Variants in CREBZF observed in about 807,000 individuals in gnomAD.
CREBZF encodes the protein HCF-binding transcription factor Zhangfei.
A neutral mutation model predicts 21.1 loss-of-function variants in CREBZF; 8 were observed. The observed-to-expected ratio is 0.38, with a 90% CI of 0.22 to 0.68. The LOEUF is 0.68. Ranked by LOEUF, CREBZF falls within the 30% of genes least tolerant of loss-of-function variation. The pLI is 0.51. For missense variants in CREBZF, 518 were observed against 484.3 expected (o/e 1.07, Z -0.65); for synonymous variants, 270 against 223.3 (o/e 1.21, Z -1.86).
At chr11:85,682,603 T>A in intron 1 of CREBZF, 4 of 196,732 alleles carry the variant, frequency 2.0e-5, no homozygotes, top group African/African-American at 7.8e-5. Context: ...CCCCCTGCCC[T>A]ACTCCCCCCA....
At position 85,661,353 on chromosome 11, in the gene CREBZF, GA is replaced by G. The variant is rs1431099449; in HGVS notation, c.*2457del. ...AAAAAAAAAATGAAATGGAAACTGA[GA>G]AAAGACAGTTAATAAAACATAAGGA... On this transcript the variant is annotated 3_prime_UTR_variant, in exon 1 of 1. Transcript: ENST00000527447. 1 of 151,964 alleles carries G rather than the reference GA, an allele frequency of 6.6e-6. No homozygotes were observed. The highest frequency in any genetic ancestry group is 2.4e-5 in the African/African-American group (1 of 41,244). 9.4% of individuals were successfully genotyped at this position (151,964 alleles called of 1,614,324 possible).
Position 85,664,577 on chromosome 11 carries a change from T to C in CREBZF, c.299A>G (p.Asp100Gly). 1 of 1,613,696 alleles carries C rather than the reference T, an allele frequency of 6.2e-7. No homozygotes were observed. Among genetic ancestry groups the C allele is most frequent in the Non-Finnish European group, 8.5e-7 (1 of 1,179,940 alleles). The change falls in exon 1 of 1, where the codon GAC becomes GGC. Residue 100 changes from aspartate to glycine, a missense_variant. Coordinates refer to ENST00000527447, the MANE Select transcript of CREBZF (RefSeq NM_001039618.4). The surrounding 1 kb of genome is among the most constrained non-coding windows in gnomAD (Gnocchi z 5.5). ...CGCCAGTTCCAGCCCAGACAGAAAG[T>C]CCATATCCTCCGTCTCTTCCCCCGG... Reference protein sequence around the residue: ...SLPGEETEDMDFLSGLELADL... With the variant: ...SLPGEETEDMGFLSGLELADL...
upstream of CREBZF, among the ~76,000 whole-genome samples, chr11:85,669,827 A>T (rs908527376): frequency 1.3e-5 from 2 of 151,788 alleles, no homozygotes; most frequent in African/African-American, 4.8e-5. Context: ...TGTTTGTTTG[A>T]GACAGAGTCT....
chr11:85,682,706 G>A (rs367975908), intron 1 of CREBZF: 31 of 666,886 alleles, frequency 4.6e-5, no homozygotes, highest in African/African-American at 4.1e-4. Context: ...CCGGAATTCC[G>A]GGATTCATAC....
intron 1 of CREBZF, among the ~76,000 whole-genome samples, chr11:85,675,384 G>C (rs899016707): frequency 5.9e-5 from 9 of 152,152 alleles, no homozygotes; most frequent in South Asian, 2.1e-4. Context: ...ATATTGTTGT[G>C]TCTCAGGAAT....
intron 1 of CREBZF, among the ~76,000 whole-genome samples, chr11:85,673,844 C>T (rs1010352963): frequency 6.6e-6 from 1 of 152,156 alleles, no homozygotes; most frequent in Non-Finnish European, 1.5e-5. Flanking sequence ...AAACAATGTT[C>T]ACAGCATCTT....
rs1304196383 is a variant in CREBZF at position 85,663,557 on chromosome 11, C to A, written c.*254G>T. 18 of 1,429,084 alleles carry A rather than the reference C, an allele frequency of 1.3e-5. No homozygotes were observed. Among genetic ancestry groups the A allele is most frequent in the Admixed American group, 5.9e-5 (3 of 50,816 alleles). 88.5% of individuals were successfully genotyped at this position (1,429,084 alleles called of 1,614,324 possible). A position where few individuals can be genotyped will look rare whatever the true frequency, so the allele number is the denominator to read the frequency against. On this transcript the variant is annotated 3_prime_UTR_variant, in exon 1 of 1. Coordinates refer to ENST00000527447, the MANE Select transcript of CREBZF (RefSeq NM_001039618.4). ...GAGGCGGGAACGACTGTTCTGTAAC[C>A]CCTACAACGGAGCCTGGCAGGAAGG...
intron 1 of CREBZF, among the ~76,000 whole-genome samples, chr11:85,671,478 C>T (rs1167830879): frequency 6.6e-6 from 1 of 152,212 alleles, no homozygotes; most frequent in Non-Finnish European, 1.5e-5. Context: ...GTCCACAGTC[C>T]AAAGTCTCAT....
At chr11:85,682,850 GACGTACA>G in exon 1 of CREBZF, 1 of 702,400 alleles carries the variant, frequency 1.4e-6, no homozygotes, top group Non-Finnish European at 2.6e-6. Flanking sequence ...GCCGAGCTTG[GACGTACA>G]GGTTGTGGGA....
At chr11:85,670,285 A>G (rs2082903361) in intron 1 of CREBZF, among the ~76,000 whole-genome samples, 1 of 83,348 alleles carries the variant, frequency 1.2e-5, no homozygotes, top group Non-Finnish European at 2.1e-5. Flanking sequence ...CCCCCCCACA[A>G]TAAGATCTCA....
Position 85,661,582 on chromosome 11 carries a change from G to A in CREBZF, c.*2229C>T, listed in dbSNP as rs945817946. The A allele has an allele frequency of 6.6e-6, 1 of 152,574 alleles. No individual in the cohort carries two copies. 9.5% of individuals were successfully genotyped at this position (152,574 alleles called of 1,614,324 possible). A position where few individuals can be genotyped will look rare whatever the true frequency, so the allele number is the denominator to read the frequency against. ...CAAATAATGCAGGAAAAGTATTGAC[G>A]TAAGGAAGAAAATACTCCAACAGAA... On this transcript the variant is annotated 3_prime_UTR_variant, in exon 1 of 1. Coordinates refer to ENST00000527447, the MANE Select transcript of CREBZF (RefSeq NM_001039618.4).
rs1031845255 is a variant in CREBZF, at chr11:85,662,246, C to T, written c.*1565G>A. ...AGAACAAGGATTCCATTTTCATAAC[C>T]AAATAACAAAATAAAACATTTTATG... On this transcript the variant is annotated 3_prime_UTR_variant, in exon 1 of 1. Coordinates refer to ENST00000527447, the MANE Select transcript of CREBZF (RefSeq NM_001039618.4). 5.1e-6 allele frequency: 3 copies of T among 586,368 alleles called. No individual in the cohort carries two copies. The highest frequency in any genetic ancestry group is 9.4e-6 in the Non-Finnish European group (3 of 318,450). 36.3% of individuals were successfully genotyped at this position (586,368 alleles called of 1,614,324 possible).
At position 85,658,214 on chromosome 11, in the gene CREBZF, A is replaced by G. The variant is rs1271523897; in HGVS notation, c.*5597T>C. Among the ~76,000 whole-genome samples the G allele has an allele frequency of 6.6e-6, 1 of 151,992 alleles. No individual in the cohort carries two copies. Among genetic ancestry groups the G allele is most frequent in the African/African-American group, 2.4e-5 (1 of 41,450 alleles). ...ATATAGAATTATGTAATCAACTTAG[A>G]TAATTCAAAGCCCAATGATATAACT... On this transcript the variant is annotated 3_prime_UTR_variant, in exon 1 of 1. Coordinates refer to ENST00000527447, the MANE Select transcript of CREBZF (RefSeq NM_001039618.4).
rs1022266939 is a variant in CREBZF, at chr11:85,682,611, C to G, written n.147+106G>C. 19 of 344,652 alleles carry G rather than the reference C, an allele frequency of 5.5e-5. 1 individual carries two copies. Among genetic ancestry groups the G allele is most frequent in the South Asian group, 4.8e-4 (18 of 37,184 alleles). 21.3% of individuals were successfully genotyped at this position (344,652 alleles called of 1,614,324 possible). A position where few individuals can be genotyped will look rare whatever the true frequency, so the allele number is the denominator to read the frequency against. Reference sequence around the variant, plus strand: ...GCCCCTACCCCCTGCCCTACTCCCCCCAACGCGATCTTCCAGACGCGCTCT... The same window carrying G: ...GCCCCTACCCCCTGCCCTACTCCCCGCAACGCGATCTTCCAGACGCGCTCT... On this transcript the variant is annotated intron_variant and non_coding_transcript_variant, in intron 1 of 3. Coordinates refer to the CREBZF transcript ENST00000531515.
chr11:85,675,948 T>C (rs1214349790), intron 1 of CREBZF, among the ~76,000 whole-genome samples: 1 of 152,214 alleles, frequency 6.6e-6, no homozygotes, highest in Non-Finnish European at 1.5e-5. Flanking sequence ...TTGCATGAAA[T>C]GTGCAATTCC....
At chr11:85,675,132 T>C (rs2082934071) in intron 1 of CREBZF, among the ~76,000 whole-genome samples, 1 of 152,218 alleles carries the variant, frequency 6.6e-6, no homozygotes, top group African/African-American at 2.4e-5. Context: ...CTATCATTCA[T>C]GTGTTTACAG....
chr11:85,668,347 T>C (rs1244844364), upstream of CREBZF, among the ~76,000 whole-genome samples: 1 of 152,232 alleles, frequency 6.6e-6, no homozygotes, highest in African/African-American at 2.4e-5. Context: ...TACCTAGTTT[T>C]TATGCAAACT....
At chr11:85,677,985 G>A (rs1239610113) in intron 1 of CREBZF, among the ~76,000 whole-genome samples, 1 of 152,168 alleles carries the variant, frequency 6.6e-6, no homozygotes, top group Non-Finnish European at 1.5e-5. Flanking sequence ...AGGCAAAGTA[G>A]AATAAATGTT....
chr11:85,659,268 A>C lies in CREBZF; in HGVS notation c.*4543T>G, dbSNP rs1264192860. Among the ~76,000 whole-genome samples, 2 of 152,106 alleles carry C rather than the reference A, an allele frequency of 1.3e-5. No individual in the cohort carries two copies. Among genetic ancestry groups the C allele is most frequent in the African/African-American group, 4.8e-5 (2 of 41,446 alleles). On this transcript the variant is annotated 3_prime_UTR_variant, in exon 1 of 1. Coordinates refer to ENST00000527447, the MANE Select transcript of CREBZF (RefSeq NM_001039618.4). Reference sequence around the variant, plus strand: ...TAAAATTTTACTAAATCAGACCTTAAACTACACATTCAAAATGCTGAACTA... The same window carrying C: ...TAAAATTTTACTAAATCAGACCTTACACTACACATTCAAAATGCTGAACTA...
Sources: allele counts gnomAD v4.1 joint callset (sites outside exome capture counted in the v4.1 genomes callset), GRCh38; gene constraint gnomAD v4.1.1; non-coding constraint Gnocchi (gnomAD v3.1); transcripts MANE v1.5; gene names NCBI Gene and HGNC (gene_info 2026-07-23, HGNC 2026-07-21).